MAP3K15: variants seen among roughly 807,000 people sequenced by gnomAD.
The protein encoded by MAP3K15 is MAPK/ERK kinase kinase 15.
A neutral mutation model predicts 99.5 loss-of-function variants in MAP3K15; 124 were observed. The ratio of observed to expected loss-of-function variants is 1.25; its 90% CI spans 1.08 to 1.45. The LOEUF (loss-of-function observed/expected upper bound fraction) is 1.45, where lower values mean the gene tolerates loss of function less well. Ranked by LOEUF, MAP3K15 falls within the 40% of genes most tolerant of loss-of-function variation. The pLI is 0.00. For missense variants in MAP3K15, 1,242 were observed against 1,079.7 expected (o/e 1.15, Z -2.11); for synonymous variants, 494 against 439.6 (o/e 1.12, Z -1.55).
chrX:19,374,797 CT>C (rs1366789135), intron 19 of MAP3K15, 137 bp from the exon 20 acceptor site: 13 of 513,963 alleles, frequency 2.5e-5, no homozygotes, highest in Non-Finnish European at 3.7e-5. Context: ...ACGTCACGTT[CT>C]TGTTCCTCCC....
chrX:19,457,464 T>C (rs1453855190), intron 5 of MAP3K15, among the ~76,000 whole-genome samples: 1 of 110,345 alleles, frequency 9.1e-6, no homozygotes, highest in Non-Finnish European at 1.9e-5. Flanking sequence ...ATACAAAATA[T>C]AGCTGGGCAT....
intron 2 of MAP3K15, among the ~76,000 whole-genome samples, chrX:19,487,236 T>G (rs1013051617): frequency 1.8e-5 from 2 of 111,041 alleles, no homozygotes; most frequent in Non-Finnish European, 3.8e-5. Flanking sequence ...GCAAACTGCT[T>G]CTTCTGGTGT....
At chrX:19,440,453 A>G (rs1005397233) in intron 6 of MAP3K15, among the ~76,000 whole-genome samples, 2 of 112,574 alleles carry the variant, frequency 1.8e-5, no homozygotes, top group Non-Finnish European at 3.8e-5. Context: ...AGTGTGAACA[A>G]TGTTCAGAGT....
intron 1 of MAP3K15, among the ~76,000 whole-genome samples, chrX:19,495,261 C>T (rs774534018): frequency 2.8e-4 from 32 of 112,352 alleles, no homozygotes; most frequent in Admixed American, 2.8e-3. Context: ...ATCTGCCCAC[C>T]TCGGCCTCCC....
At chrX:19,390,593 T>C (rs918365329) in intron 18 of MAP3K15, among the ~76,000 whole-genome samples, 1 of 106,912 alleles carries the variant, frequency 9.4e-6, no homozygotes, top group East Asian at 2.8e-4. Flanking sequence ...TTATTTTTTG[T>C]AGAGATGGGG....
intron 3 of MAP3K15, among the ~76,000 whole-genome samples, chrX:19,481,115 C>CAAAA (rs60578003): frequency 0.01 from 569 of 55,188 alleles, 40 homozygotes; most frequent in African/African-American, 0.054. Flanking sequence ...GAACTTGTCT[C>CAAAA]AAAAAAAAAA....
intron 3 of MAP3K15, chrX:19,482,118 T>TGCCGTGA (rs2064294034): frequency 2.0e-5 from 2 of 98,437 alleles, no homozygotes; most frequent in African/African-American, 8.2e-5. Flanking sequence ...AGACAGAAGT[T>TGCCGTGA]GCCGTGAGCC....
Position 19,374,471 on chromosome X carries a change from C to T in MAP3K15, c.2773+6G>A. ...GTGCTGCCCCAGCTGTCCAGGGAGG[C>T]CTCACCTGAGGGCTTGAAGGCAATT... On this transcript the variant is annotated splice_donor_region_variant and intron_variant, in intron 20 of 28. Transcript: ENST00000338883. 8.3e-7 allele frequency: 1 copy of T among 1,208,433 alleles called. No homozygotes were observed. Among genetic ancestry groups the T allele is most frequent in the Middle Eastern group, 2.5e-4 (1 of 3,939 alleles).
chrX:19,417,310 A>G (rs1241596625), intron 9 of MAP3K15, among the ~76,000 whole-genome samples: 6 of 112,364 alleles, frequency 5.3e-5, no homozygotes, highest in Non-Finnish European at 1.9e-5. Context: ...GCAAGGGGTG[A>G]CAGACGGCAC....
Position 19,391,939 on chromosome X carries a change from G to A in MAP3K15, c.2431+63C>T, listed in dbSNP as rs1308518863. On this transcript the variant is annotated intron_variant, in intron 18 of 28. Coordinates refer to ENST00000338883, the MANE Select transcript of MAP3K15 (RefSeq NM_001001671.4). Reference sequence around the variant, plus strand: ...CTCACTAAGTAACGGCTGAACAACCGCAGCTTGTGCAGAAAGCGTAACTCT... The same window carrying A: ...CTCACTAAGTAACGGCTGAACAACCACAGCTTGTGCAGAAAGCGTAACTCT... 28 of 815,076 alleles carry A rather than the reference G, an allele frequency of 3.4e-5. 1 individual carries two copies. Among genetic ancestry groups the A allele is most frequent in the African/African-American group, 6.1e-5 (3 of 49,226 alleles). 67.2% of individuals were successfully genotyped at this position (815,076 alleles called of 1,213,427 possible). A position where few individuals can be genotyped will look rare whatever the true frequency, so the allele number is the denominator to read the frequency against.
intron 9 of MAP3K15, among the ~76,000 whole-genome samples, chrX:19,418,625 T>C (rs1474392743): frequency 1.2e-4 from 13 of 110,967 alleles, no homozygotes; most frequent in African/African-American, 4.3e-4. Flanking sequence ...CAGGACAGTA[T>C]CTAGGAGAAC....
intron 16 of MAP3K15, among the ~76,000 whole-genome samples, chrX:19,393,760 C>CTTTTTTTTTTTTTTTTTTTT (rs761246318): frequency 3.3e-5 from 2 of 60,243 alleles, no homozygotes; most frequent in African/African-American, 1.5e-4. Context: ...CTGCCTGGCT[C>CTTTTTTTTTTTTTTTTTTTT]TTTTTTTTTT....
At chrX:19,361,273 G>A in intron 28 of MAP3K15, 66 bp downstream of exon 28, 5 of 922,604 alleles carry the variant, frequency 5.4e-6, no homozygotes, top group Non-Finnish European at 7.6e-6. Flanking sequence ...TTTGTTTTCT[G>A]CTCTTGAAGC....
chrX:19,378,415 G>A (rs901591872), intron 19 of MAP3K15, among the ~76,000 whole-genome samples: 3 of 111,901 alleles, frequency 2.7e-5, no homozygotes, highest in Non-Finnish European at 5.6e-5. Context: ...AGTTCCACGC[G>A]GCTGGGGAGG....
intron 1 of MAP3K15, among the ~76,000 whole-genome samples, chrX:19,495,345 A>C (rs1315702860): frequency 5.4e-5 from 6 of 111,528 alleles, no homozygotes; most frequent in Non-Finnish European, 1.1e-4. Flanking sequence ...TTCCAATCTC[A>C]TAAGAAGGAG....
chrX:19,409,697 C>A (rs1366420472), intron 12 of MAP3K15, among the ~76,000 whole-genome samples: 3 of 111,925 alleles, frequency 2.7e-5, no homozygotes, highest in African/African-American at 9.7e-5. Context: ...GTTTAGTCTG[C>A]TGAATATGAG....
At chrX:19,376,221 C>T (rs149204344) in intron 19 of MAP3K15, among the ~76,000 whole-genome samples, 94 of 111,078 alleles carry the variant, frequency 8.5e-4, no homozygotes, top group African/African-American at 3.0e-3. Flanking sequence ...TATTGTCTCA[C>T]AGTCCTGGAG....
intron 25 of MAP3K15, among the ~76,000 whole-genome samples, chrX:19,366,909 C>A (rs758581381): frequency 8.9e-6 from 1 of 111,777 alleles, no homozygotes; most frequent in East Asian, 2.8e-4. Flanking sequence ...AGAGAAATAA[C>A]CTTCAAACCC....
At chrX:19,444,811 C>G (rs990881003) in intron 6 of MAP3K15, among the ~76,000 whole-genome samples, 2 of 111,402 alleles carry the variant, frequency 1.8e-5, no homozygotes, top group Admixed American at 9.5e-5. Context: ...ACATCAACTC[C>G]CACAAGGGCA....
Sources: allele counts gnomAD v4.1 joint callset (sites outside exome capture counted in the v4.1 genomes callset), GRCh38; gene constraint gnomAD v4.1.1; transcripts MANE v1.5; gene names NCBI Gene and HGNC (gene_info 2026-07-23, HGNC 2026-07-21).